The following PPP2R2B variants were observed in gnomAD, a reference collection of about 807,000 sequenced individuals.
PPP2R2B encodes the protein protein phosphatase 2 regulatory subunit Bbeta, also known as serine/threonine-protein phosphatase 2A 55 kDa regulatory subunit B beta isoform.
A neutral mutation model predicts 46.0 loss-of-function variants in PPP2R2B; 5 were observed. The ratio of observed to expected loss-of-function variants is 0.11; its 90% CI spans 0.06 to 0.23. The LOEUF is 0.23. Among genes scored for constraint, PPP2R2B ranks in the 10% least tolerant of loss-of-function variants. The pLI is 1.00. For synonymous variants in PPP2R2B, 215 were observed against 206.7 expected (o/e 1.04, Z -0.34); for missense variants, 367 against 575.0 (o/e 0.64, Z 3.70).
chr5:146,964,425 T>C (rs554150681), intron 1 of PPP2R2B, among the ~76,000 whole-genome samples: 1 of 148,844 alleles, frequency 6.7e-6, no homozygotes, highest in South Asian at 2.1e-4. Flanking sequence ...CTTCGCAGAT[T>C]TTTTAACCTT....
intron 2 of PPP2R2B, among the ~76,000 whole-genome samples, chr5:146,792,102 G>A (rs1464025013): frequency 6.6e-6 from 1 of 152,148 alleles, no homozygotes; most frequent in Admixed American, 6.5e-5. Context: ...AACAGCTGCT[G>A]GGTCTACATA....
chr5:146,889,731 A>G (rs1762437270), intron 1 of PPP2R2B, among the ~76,000 whole-genome samples: 1 of 152,320 alleles, frequency 6.6e-6, no homozygotes, highest in African/African-American at 2.4e-5. Flanking sequence ...GAGTTCTTCT[A>G]GTGAATTATC....
intron 1 of PPP2R2B, among the ~76,000 whole-genome samples, chr5:146,947,373 T>C (rs1764516361): frequency 6.6e-6 from 1 of 152,132 alleles, no homozygotes; most frequent in Admixed American, 6.6e-5. Context: ...CCTCTAGTGA[T>C]TGGATCAGGA....
intron 2 of PPP2R2B, among the ~76,000 whole-genome samples, chr5:146,768,180 C>T (rs1049105728): frequency 1.3e-5 from 2 of 151,984 alleles, no homozygotes; most frequent in African/African-American, 2.4e-5. Flanking sequence ...CTCAAGCAAT[C>T]CTCCCACCCC....
chr5:146,920,855 G>C (rs181244829), intron 1 of PPP2R2B, among the ~76,000 whole-genome samples: 10 of 152,282 alleles, frequency 6.6e-5, no homozygotes, highest in African/African-American at 2.4e-4. Context: ...ATAGAATTCT[G>C]TTAGAAAATC....
rs554666736 is a variant in PPP2R2B, at chr5:147,071,146, C to T, written c.50+9913G>A. Among the ~76,000 whole-genome samples, 330 of 151,982 alleles carry T rather than the reference C, an allele frequency of 2.2e-3. 1 individual carries two copies. Among genetic ancestry groups the T allele is most frequent in the South Asian group, 0.011 (55 of 4,816 alleles). ...ACATTGTTGGTTTATGTGAGTATGA[C>T]GCCCAGAATTGTAGCAGTTGTCTTG... On this transcript the variant is annotated intron_variant, in intron 2 of 10. Transcript: ENST00000394413.
rs367928507 is a variant in PPP2R2B, at chr5:146,782,671, AT to A, written c.71-81530del. Reference sequence around the variant, plus strand: ...TCAATAGTTGTTTTTTTCCTTGCCCATTTTTTTTTAAAGAGTTGATCCATAG... The same window carrying A: ...TCAATAGTTGTTTTTTTCCTTGCCCATTTTTTTTAAAGAGTTGATCCATAG... On this transcript the variant is annotated intron_variant, in intron 2 of 9. Coordinates refer to ENST00000394411, the MANE Select transcript of PPP2R2B (RefSeq NM_181675.4). Among the ~76,000 whole-genome samples, 44 of 150,622 alleles carry A rather than the reference AT, an allele frequency of 2.9e-4. No individual in the cohort carries two copies. The East Asian group carries it at 3.9e-3, about 13-fold the overall frequency.
intron 1 of PPP2R2B, among the ~76,000 whole-genome samples, chr5:146,994,554 A>G (rs1753842100): frequency 6.6e-6 from 1 of 152,176 alleles, no homozygotes; most frequent in South Asian, 2.1e-4. Flanking sequence ...TGTAGACCAT[A>G]TAACTCAGCC....
chr5:146,993,806 A>C (rs532651219), intron 1 of PPP2R2B, among the ~76,000 whole-genome samples: 2 of 112,172 alleles, frequency 1.8e-5, no homozygotes, highest in Non-Finnish European at 4.5e-5. Flanking sequence ...TATCCAGCAC[A>C]GTTTTTTTTT....
At chr5:146,840,358 A>G (rs781634175) in intron 2 of PPP2R2B, among the ~76,000 whole-genome samples, 2 of 152,182 alleles carry the variant, frequency 1.3e-5, no homozygotes, top group Non-Finnish European at 2.9e-5. Context: ...ATATAATACT[A>G]TATGCAGGGC....
chr5:147,030,769 C>T (rs749379765), intron 1 of PPP2R2B, among the ~76,000 whole-genome samples: 20 of 152,090 alleles, frequency 1.3e-4, no homozygotes, highest in Non-Finnish European at 2.6e-4. Context: ...CCCTTAATCC[C>T]TTCCTTCTGT....
rs71965794 is a variant in PPP2R2B, at chr5:146,911,089, T to TTGTC, written c.79+144575_79+144576insGACA. 5.1e-4 allele frequency among the ~76,000 whole-genome samples: 67 copies of TTGTC among 132,256 alleles called. 1 individual carries two copies. Among genetic ancestry groups the TTGTC allele is most frequent in the African/African-American group, 9.4e-4 (30 of 32,074 alleles). 86.8% of individuals were successfully genotyped at this position (132,256 alleles called of 152,430 possible). A position where few individuals can be genotyped will look rare whatever the true frequency, so the allele number is the denominator to read the frequency against. On this transcript the variant is annotated intron_variant, in intron 1 of 8. Coordinates refer to the PPP2R2B transcript ENST00000336640. The stretch of plus-strand genomic sequence containing the variant: ...ATCAGATTGTCTGTTAGACACTTTC[T>TTGTC]TTTTTTTTTTTTGAGATGGAGTCTT...
chr5:146,777,909 G>T (rs112670376), intron 2 of PPP2R2B, among the ~76,000 whole-genome samples: 26 of 152,272 alleles, frequency 1.7e-4, no homozygotes, highest in African/African-American at 5.8e-4. Context: ...TGTTACGAGG[G>T]AGTAAAATTC....
rs1255053502 is a variant in PPP2R2B, at chr5:147,032,336, AC to A, written c.79+23328del. Among the ~76,000 whole-genome samples, 4 of 152,302 alleles carry A rather than the reference AC, an allele frequency of 2.6e-5. No homozygotes were observed. In the East Asian group the frequency reaches 7.7e-4, roughly 29 times the overall value. On this transcript the variant is annotated intron_variant, in intron 1 of 8. Transcript: ENST00000336640. ...AATGATCAGAGAAATGCAAATCAAGACCGCAATGTGATACCACCTTACTCCT... is the reference window on the plus strand; with the variant it reads ...AATGATCAGAGAAATGCAAATCAAGACGCAATGTGATACCACCTTACTCCT...
chr5:146,754,375 G>C (rs1210682346), intron 2 of PPP2R2B, among the ~76,000 whole-genome samples: 1 of 152,186 alleles, frequency 6.6e-6, no homozygotes, highest in Non-Finnish European at 1.5e-5. Context: ...GGAATAGCAT[G>C]CAGCAACTAA....
chr5:147,056,129 G>A (rs1448431777), upstream of PPP2R2B: 1 of 1,047,188 alleles, frequency 9.5e-7, no homozygotes, highest in African/African-American at 1.7e-5. Flanking sequence ...GAGAAATCCA[G>A]CAGGATATGG....
rs1351201285 is a variant in PPP2R2B, at chr5:146,767,269, A to G, written c.71-66127T>C. ...CCCTTGTCTCCTGTTTGGGGAGTCC[A>G]AAGAATTCACAGACACATCAGTCAT... is the stretch of plus-strand genomic sequence containing the variant. On this transcript the variant is annotated intron_variant, in intron 2 of 9. Coordinates refer to ENST00000394411, the MANE Select transcript of PPP2R2B (RefSeq NM_181675.4). Among the ~76,000 whole-genome samples the G allele has an allele frequency of 2.6e-5, 4 of 152,226 alleles. No individual in the cohort carries two copies. The East Asian group carries it at 5.8e-4, about 22-fold the overall frequency.
intron 1 of PPP2R2B, among the ~76,000 whole-genome samples, chr5:147,018,035 ATG>A (rs1755087919): frequency 5.2e-5 from 1 of 19,290 alleles, no homozygotes; most frequent in Non-Finnish European, 1.2e-4. Context: ...ACACACATGC[ATG>A]CGCGCGCACA....
chr5:146,596,588 A>C (rs547785065), intron 8 of PPP2R2B, among the ~76,000 whole-genome samples: 1 of 152,348 alleles, frequency 6.6e-6, no homozygotes, highest in African/African-American at 2.4e-5. Context: ...CCCAGCAGCC[A>C]CACATGGGTC....
Sources: gnomAD v4.1 joint callset for allele counts (sites outside exome capture counted in the v4.1 genomes callset) on GRCh38, gnomAD v4.1.1 for gene constraint, MANE v1.5 for transcripts, NCBI Gene and HGNC (gene_info 2026-07-23, HGNC 2026-07-21) for gene names.